The following S100A16 variants were observed in gnomAD, a reference collection of about 807,000 sequenced individuals.
S100A16 encodes S100 calcium binding protein A16.
S100A16 carries 8 observed loss-of-function variants against 9.0 expected under a neutral mutation model. The ratio of observed to expected loss-of-function variants is 0.89; its 90% CI spans 0.52 to 1.60. S100A16 has a LOEUF of 1.60. Ranked by LOEUF, S100A16 falls within the 40% of genes most tolerant of loss-of-function variation. S100A16 has a pLI of 0.00. For synonymous variants in S100A16, 51 were observed against 51.4 expected, an observed-to-expected ratio of 0.99 and a Z score of 0.04; for missense variants, 138 against 132.4, an observed-to-expected ratio of 1.04 and a Z score of -0.21.
chr1:153,609,975 A>T (rs372728856), intron 1 of S100A16, among the ~76,000 whole-genome samples: 60 of 152,246 alleles, frequency 3.9e-4, no homozygotes, highest in African/African-American at 1.4e-3. Context: ...GGCTGGGAGG[A>T]TGGAGCAGAG....
At chr1:153,608,337 T>G (rs1375833892) in intron 1 of S100A16, 160 bp from the exon 2 acceptor site, 1 of 626,372 alleles carries the variant, frequency 1.6e-6, no homozygotes, top group Non-Finnish European at 2.8e-6. Flanking sequence ...TGGGGGAGAG[T>G]GAGCCCTGGA....
chr1:153,608,064 T>C lies in S100A16; in HGVS notation c.88A>G (p.Lys30Glu), dbSNP rs1666738456. Residue 30 changes from lysine to glutamate, a missense_variant, in exon 2 of 3, where the codon AAG (lysine) becomes GAG (glutamate). By Grantham distance (56) the Lys-to-Glu change is moderately conservative. Transcript: ENST00000368706. ...YKYVSKYSLVKNKISKSSFRE... is the reference protein window; with the variant it reads ...YKYVSKYSLVENKISKSSFRE... ...AAGCTGCTCTTGCTGATCTTGTTCT[T>C]GACCAGGCTGTACTTAGACACATAT... is the stretch of plus-strand genomic sequence containing the variant. 1 of 1,613,966 alleles carries C rather than the reference T, an allele frequency of 6.2e-7. No individual in the cohort carries two copies. The highest frequency in any genetic ancestry group is 8.5e-7 in the Non-Finnish European group (1 of 1,179,976).
chr1:153,609,352 G>A (rs142320812), intron 1 of S100A16: 4 of 986,110 alleles, frequency 4.1e-6, no homozygotes, highest in Admixed American at 6.1e-5. Context: ...CTCCCATGCC[G>A]GCTGCCCTGC....
chr1:153,611,421 C>T (rs1666833130), intron 1 of S100A16, among the ~76,000 whole-genome samples: 1 of 152,018 alleles, frequency 6.6e-6, no homozygotes, highest in Admixed American at 6.5e-5. Context: ...TGTCCCTAGA[C>T]TCCTGTCCCT....
In S100A16 at chr1:153,607,408, G is replaced by C. The variant is rs1666716014; in HGVS notation, c.*126C>G. On this transcript the variant is annotated 3_prime_UTR_variant, in exon 3 of 3. Transcript: ENST00000368706. ...AGGGACCCCAGTTCAGCAAGGGTCA[G>C]AGGAAGGTCTGGAGGGAGAAGAGAG... 9.1e-7 allele frequency: 1 copy of C among 1,101,046 alleles called. No homozygotes were observed. The highest frequency in any genetic ancestry group is 2.4e-5 in the East Asian group (1 of 41,746). The allele number at this position is 1,101,046 out of a possible 1,614,324, so 68.2% of individuals were successfully genotyped here.
rs142320812 is a variant in S100A16 at position 153,609,352 on chromosome 1, G to T, written c.-26-1175C>A. 270 of 986,110 alleles carry T rather than the reference G, an allele frequency of 2.7e-4. 1 individual carries two copies. In the African/African-American group the frequency reaches 4.6e-3, roughly 17 times the overall value. The allele number at this position is 986,110 out of a possible 1,614,324, so 61.1% of individuals were successfully genotyped here. On this transcript the variant is annotated intron_variant, in intron 1 of 2. Coordinates refer to ENST00000368706, the MANE Select transcript of S100A16 (RefSeq NM_080388.3). ...TTGTGGCCATTCCTACTCCCATGCC[G>T]GCTGCCCTGCCCTCTCCAGCCAGCC...
Position 153,606,957 on chromosome 1 carries a change from T to C in S100A16, c.*577A>G, listed in dbSNP as rs749540080. On this transcript the variant is annotated 3_prime_UTR_variant, in exon 3 of 3. Coordinates refer to ENST00000368706, the MANE Select transcript of S100A16 (RefSeq NM_080388.3). Reference sequence around the variant, plus strand: ...GGGATACAAACTCCAAATCCAGCCTTTATATCATCATTATTTCAAGCAACA... The same window carrying C: ...GGGATACAAACTCCAAATCCAGCCTCTATATCATCATTATTTCAAGCAACA... The C allele has an allele frequency of 1.3e-4, 30 of 239,122 alleles. No individual in the cohort carries two copies. Among genetic ancestry groups the C allele is most frequent in the Non-Finnish European group, 1.8e-4 (21 of 117,062 alleles). 14.8% of individuals were successfully genotyped at this position (239,122 alleles called of 1,614,324 possible). A position where few individuals can be genotyped will look rare whatever the true frequency, so the allele number is the denominator to read the frequency against.
At chr1:153,611,917 T>TCA (rs55729519) in intron 1 of S100A16, among the ~76,000 whole-genome samples, 11,885 of 140,804 alleles carry the variant, frequency 0.084, 782 homozygotes, top group African/African-American at 0.18. Flanking sequence ...TGTCTCTCTC[T>TCA]CACACACACA....
chr1:153,612,460 C>T (rs557650343), intron 1 of S100A16, among the ~76,000 whole-genome samples: 4 of 150,326 alleles, frequency 2.7e-5, no homozygotes, highest in South Asian at 2.1e-4. Context: ...GTAGAGGGGA[C>T]GCCACCTCAG....
At chr1:153,611,913 T>TCACACACA (rs1376711851) in intron 1 of S100A16, among the ~76,000 whole-genome samples, 1 of 81,288 alleles carries the variant, frequency 1.2e-5, no homozygotes, top group Non-Finnish European at 2.8e-5. Context: ...TCTTTGTCTC[T>TCACACACA]CTCTCACACA....
At chr1:153,611,698 C>T (rs1253716749) in intron 1 of S100A16, among the ~76,000 whole-genome samples, 3 of 152,104 alleles carry the variant, frequency 2.0e-5, no homozygotes, top group African/African-American at 7.2e-5. Flanking sequence ...AGGTGCCATC[C>T]GAACTGGGCT....
chr1:153,608,812 C>T (rs1466535891), intron 1 of S100A16: 13 of 600,166 alleles, frequency 2.2e-5, no homozygotes, highest in Admixed American at 1.9e-4. Flanking sequence ...CAACACACCC[C>T]GCCACACCCT....
intron 1 of S100A16, among the ~76,000 whole-genome samples, chr1:153,611,386 T>G (rs143374756): frequency 2.2e-3 from 338 of 151,964 alleles, no homozygotes; most frequent in Admixed American, 4.2e-3. Context: ...TCTGGAGTCT[T>G]AAGTTTTTTC....
chr1:153,609,326 C>T, intron 1 of S100A16: 1 of 986,054 alleles, frequency 1.0e-6, no homozygotes, highest in South Asian at 4.7e-5. Context: ...CCGTTGGCCA[C>T]TTGTGGCCAT....
At position 153,608,549 on chromosome 1, in the gene S100A16, A is replaced by G. The variant is rs1281339234; in HGVS notation, c.-26-372T>C. ...TCCCACCCTGCTCCACAGCTGGCCCACCTCTCCCGGGGCCAAGCATGGCTG... is the reference window on the plus strand; with the variant it reads ...TCCCACCCTGCTCCACAGCTGGCCCGCCTCTCCCGGGGCCAAGCATGGCTG... On this transcript the variant is annotated intron_variant, in intron 1 of 2. Transcript: ENST00000368706. 2.0e-5 allele frequency among the ~76,000 whole-genome samples: 3 copies of G among 151,752 alleles called. No homozygotes were observed. The South Asian group carries it at 6.2e-4, about 32-fold the overall frequency.
At chr1:153,610,468 C>G (rs150437798) in intron 1 of S100A16, among the ~76,000 whole-genome samples, 1 of 152,194 alleles carries the variant, frequency 6.6e-6, no homozygotes, top group Non-Finnish European at 1.5e-5. Flanking sequence ...TCCTCCTGGC[C>G]TTCCTCAATA....
intron 1 of S100A16, among the ~76,000 whole-genome samples, chr1:153,608,702 C>T (rs142205408): frequency 6.6e-6 from 1 of 152,328 alleles, no homozygotes; most frequent in African/African-American, 2.4e-5. Context: ...AATCCCTTGC[C>T]GGGCTCCAGG....
chr1:153,607,833 C>G, intron 2 of S100A16, 141 bp from the exon 3 acceptor site: 3 of 1,241,876 alleles, frequency 2.4e-6, no homozygotes, highest in Admixed American at 4.3e-5. Flanking sequence ...CTGGCTAGGC[C>G]TAAGCATCCT....
At chr1:153,610,610 G>A (rs1666812617) in intron 1 of S100A16, among the ~76,000 whole-genome samples, 1 of 152,232 alleles carries the variant, frequency 6.6e-6, no homozygotes, top group African/African-American at 2.4e-5. Flanking sequence ...GTGCCTCAGG[G>A]CTTCAGCTCC....
Sources: allele counts gnomAD v4.1 joint callset (sites outside exome capture counted in the v4.1 genomes callset), GRCh38; gene constraint gnomAD v4.1.1; transcripts MANE v1.5; gene names NCBI Gene and HGNC (gene_info 2026-07-23, HGNC 2026-07-21).